TMEM116: variants seen among roughly 807,000 people sequenced by gnomAD.
TMEM116 encodes transmembrane protein 116.
A neutral mutation model predicts 44.3 loss-of-function variants in TMEM116; 38 were observed. The ratio of observed to expected loss-of-function variants is 0.86; its 90% CI spans 0.66 to 1.12. The LOEUF (loss-of-function observed/expected upper bound fraction) is 1.12, where lower values mean the gene tolerates loss of function less well. TMEM116 is among the 50% of genes most tolerant of loss of function. The pLI, the probability that TMEM116 is intolerant of heterozygous loss-of-function variation, is 0.00. For synonymous variants in TMEM116, 132 were observed against 144.8 expected (o/e 0.91, Z 0.64); for missense variants, 354 against 401.7 (o/e 0.88, Z 1.01).
At chr12:111,932,816 C>A in intron 9 of TMEM116, 157 bp from the exon 10 acceptor site, 1 of 625,092 alleles carries the variant, frequency 1.6e-6, no homozygotes, top group Non-Finnish European at 2.9e-6. Context: ...GAGTCTTAGG[C>A]CTCCAACTTC....
At chr12:111,982,726 G>GA (rs2076013098) in intron 4 of TMEM116, among the ~76,000 whole-genome samples, 2 of 152,042 alleles carry the variant, frequency 1.3e-5, no homozygotes, top group African/African-American at 4.8e-5. Flanking sequence ...CACATACTCA[G>GA]AAAAAAATCT....
intron 4 of TMEM116, among the ~76,000 whole-genome samples, chr12:111,989,553 G>A (rs2076422485): frequency 6.6e-6 from 1 of 152,202 alleles, no homozygotes; most frequent in South Asian, 2.1e-4. Flanking sequence ...CAGGTTGCCT[G>A]CTAGATAAAA....
chr12:111,980,744 C>A (rs969176086), intron 4 of TMEM116, among the ~76,000 whole-genome samples: 1 of 152,076 alleles, frequency 6.6e-6, no homozygotes, highest in Non-Finnish European at 1.5e-5. Flanking sequence ...AAAATAAAGT[C>A]TATTTTTAAA....
intron 3 of TMEM116, chr12:111,993,598 T>C (rs1314526254): frequency 5.5e-6 from 3 of 544,090 alleles, no homozygotes; most frequent in African/African-American, 1.9e-5. Context: ...TCCCAAGATG[T>C]ATAAGGAAGA....
At chr12:111,993,490 T>TA (rs1166234251) in intron 3 of TMEM116, 1 of 546,274 alleles carries the variant, frequency 1.8e-6, no homozygotes, top group Admixed American at 2.1e-5. Flanking sequence ...TGGCTGCCTC[T>TA]GCCAGTGCTG....
At position 111,991,735 on chromosome 12, in the gene TMEM116, A is replaced by G. The variant is rs1407345144; in HGVS notation, c.210+23T>C. On this transcript the variant is annotated intron_variant, in intron 4 of 10. Coordinates refer to ENST00000552374, the MANE Select transcript of TMEM116 (RefSeq NM_001193531.2). ...TGAGTGTGCCTTTCTTGCAAGGTGC[A>G]GTGACAGTCTTGTAGCACTCACCTG... is the stretch of plus-strand genomic sequence containing the variant. 4 of 1,532,262 alleles carry G rather than the reference A, an allele frequency of 2.6e-6. No individual in the cohort carries two copies. In the African/African-American group the frequency reaches 4.1e-5, roughly 16 times the overall value. 94.9% of individuals were successfully genotyped at this position (1,532,262 alleles called of 1,614,324 possible).
In TMEM116 at chr12:111,991,740, C is replaced by CA. The variant is rs1321227042; in HGVS notation, c.210+17dup. On this transcript the variant is annotated intron_variant, in intron 4 of 10. Transcript: ENST00000552374. ...GTGCCTTTCTTGCAAGGTGCAGTGACAGTCTTGTAGCACTCACCTGTCCAA... is the reference window on the plus strand; with the variant it reads ...GTGCCTTTCTTGCAAGGTGCAGTGACAAGTCTTGTAGCACTCACCTGTCCAA... 9.8e-6 allele frequency: 15 copies of CA among 1,532,576 alleles called. No individual in the cohort carries two copies. Among genetic ancestry groups the CA allele is most frequent in the Non-Finnish European group, 1.2e-5 (14 of 1,144,902 alleles). 94.9% of individuals were successfully genotyped at this position (1,532,576 alleles called of 1,614,324 possible).
Position 111,991,891 on chromosome 12 carries a change from T to C in TMEM116, c.79-2A>G, listed in dbSNP as rs1294109277. On this transcript the variant is annotated splice_acceptor_variant, in intron 3 of 10. Transcript: ENST00000552374. LOFTEE classifies it high-confidence loss of function. Reference sequence around the variant, plus strand: ...GCTCAGATAAAAAAGTGGTCTTATCTGTCAAAGTAATAAAATCCTCATTTC... The same window carrying C: ...GCTCAGATAAAAAAGTGGTCTTATCCGTCAAAGTAATAAAATCCTCATTTC... 4 of 1,534,514 alleles carry C rather than the reference T, an allele frequency of 2.6e-6. No homozygotes were observed. The highest frequency in any genetic ancestry group is 3.5e-6 in the Non-Finnish European group (4 of 1,145,676).
intron 4 of TMEM116, among the ~76,000 whole-genome samples, chr12:111,944,897 T>C (rs1391159019): frequency 6.6e-6 from 1 of 151,894 alleles, no homozygotes; most frequent in Admixed American, 6.6e-5. Context: ...CATAAAAGGC[T>C]GCCCTCACAA....
chr12:111,983,989 G>A (rs1328548599), intron 4 of TMEM116, among the ~76,000 whole-genome samples: 1 of 152,194 alleles, frequency 6.6e-6, no homozygotes, highest in African/African-American at 2.4e-5. Context: ...TGAAATAGGA[G>A]CTGTTCCTGG....
chr12:112,008,584 T>C, intron 1 of TMEM116, among the ~76,000 whole-genome samples: 1 of 152,132 alleles, frequency 6.6e-6, no homozygotes, highest in East Asian at 1.9e-4. Context: ...ATTCATAAAA[T>C]TGCTATCATG....
Position 111,934,021 on chromosome 12 carries a change from T to G in TMEM116, c.598A>C (p.Ile200Leu). ...TTCTTATACAATGTCTGGGCTCGGATAAGTAAGACCTAAATATGAGTACAG... is the reference window on the plus strand; with the variant it reads ...TTCTTATACAATGTCTGGGCTCGGAGAAGTAAGACCTAAATATGAGTACAG... ...LSLLTIMVLL[I>L]RAQTLYKKFV... The change falls in exon 9 of 11, where the codon ATC becomes CTC. Residue 200 changes from isoleucine to leucine, a missense_variant. Ile to Leu is a conservative substitution (Grantham distance 5). Coordinates refer to ENST00000552374, the MANE Select transcript of TMEM116 (RefSeq NM_001193531.2). 2 of 1,614,152 alleles carry G rather than the reference T, an allele frequency of 1.2e-6. No homozygotes were observed. The highest frequency in any genetic ancestry group is 1.7e-6 in the Non-Finnish European group (2 of 1,180,016).
chr12:111,971,672 T>C (rs560882203), intron 4 of TMEM116, among the ~76,000 whole-genome samples: 6 of 152,172 alleles, frequency 3.9e-5, no homozygotes, highest in Non-Finnish European at 8.8e-5. Context: ...TGTAATTATA[T>C]AATCAAATTA....
At chr12:111,934,508 T>A (rs1420644265) in intron 8 of TMEM116, 3 of 152,828 alleles carry the variant, frequency 2.0e-5, no homozygotes, top group Non-Finnish European at 4.4e-5. Context: ...ACGCCTATAA[T>A]CCCAACACTT....
chr12:111,940,174 G>A (rs554067197), intron 5 of TMEM116, among the ~76,000 whole-genome samples: 1 of 151,972 alleles, frequency 6.6e-6, no homozygotes, highest in South Asian at 2.1e-4. Context: ...TCAGGAGGCT[G>A]AAGCAGGAGG....
rs201394868 is a variant in TMEM116 at position 111,933,240 on chromosome 12, CA to C, written c.734-582del. Among the ~76,000 whole-genome samples, 431 of 109,770 alleles carry C rather than the reference CA, an allele frequency of 3.9e-3. 1 individual carries two copies. Among genetic ancestry groups the C allele is most frequent in the Middle Eastern group, 0.015 (3 of 206 alleles). 72.0% of individuals were successfully genotyped at this position (109,770 alleles called of 152,430 possible). A position where few individuals can be genotyped will look rare whatever the true frequency, so the allele number is the denominator to read the frequency against. On this transcript the variant is annotated intron_variant, in intron 9 of 10. Coordinates refer to ENST00000552374, the MANE Select transcript of TMEM116 (RefSeq NM_001193531.2). ...TGGGCAACAGAGTGAGACTCTGTCT[CA>C]AAAAAAAAAAAAAAAATTATCTAAC...
chr12:112,010,937 C>T (rs1392749037), intron 1 of TMEM116: 1 of 152,268 alleles, frequency 6.6e-6, no homozygotes, highest in East Asian at 1.9e-4. Flanking sequence ...TTCAGGCCCT[C>T]CCTGACCTGA....
At chr12:111,972,627 C>T (rs2136466581) in intron 4 of TMEM116, among the ~76,000 whole-genome samples, 1 of 152,254 alleles carries the variant, frequency 6.6e-6, no homozygotes, top group Non-Finnish European at 1.5e-5. Context: ...GCCTATAATC[C>T]CAGCACTTTG....
At position 111,957,049 on chromosome 12, in the gene TMEM116, C is replaced by A. The variant is rs570382582; in HGVS notation, c.211-13680G>T. Among the ~76,000 whole-genome samples, 44 of 150,406 alleles carry A rather than the reference C, an allele frequency of 2.9e-4. 1 individual carries two copies. The highest frequency in any genetic ancestry group is 1.0e-3 in the African/African-American group (42 of 40,896). ...GAGGAGCGCCTCTTCCCGGCCACCA[C>A]CCCGTCTAGGAAGTGAGGAGCGTCT... On this transcript the variant is annotated intron_variant, in intron 4 of 10. Transcript: ENST00000552374.
Sources: gnomAD v4.1 joint callset for allele counts (sites outside exome capture counted in the v4.1 genomes callset) on GRCh38, gnomAD v4.1.1 for gene constraint, MANE v1.5 for transcripts, NCBI Gene and HGNC (gene_info 2026-07-23, HGNC 2026-07-21) for gene names.